KIAA1958: variants seen among roughly 807,000 people sequenced by gnomAD.
KIAA1958 encodes uncharacterized protein KIAA1958.
KIAA1958 carries 14 observed loss-of-function variants against 47.2 expected under a neutral mutation model. The observed-to-expected ratio is 0.30, with a 90% CI of 0.20 to 0.46. KIAA1958 has a LOEUF of 0.46. Ranked by LOEUF, KIAA1958 falls within the 20% of genes least tolerant of loss-of-function variation. The pLI, the probability that KIAA1958 is intolerant of heterozygous loss-of-function variation, is 1.00. For missense variants in KIAA1958, 803 were observed against 909.2 expected (o/e 0.88, Z 1.50); for synonymous variants, 354 against 353.3 (o/e 1.00, Z -0.02).
intron 1 of KIAA1958, among the ~76,000 whole-genome samples, chr9:112,506,377 A>T (rs530234823): frequency 7.9e-5 from 12 of 152,096 alleles, no homozygotes; most frequent in Non-Finnish European, 1.6e-4. Context: ...AATGGCATGA[A>T]CCTGGGAGGC....
At chr9:112,555,040 A>G (rs1026847164) in intron 1 of KIAA1958, among the ~76,000 whole-genome samples, 2 of 152,246 alleles carry the variant, frequency 1.3e-5, no homozygotes, top group African/African-American at 2.4e-5. Flanking sequence ...TTCTGACGAC[A>G]CAGAAAGGTA....
intron 2 of KIAA1958, among the ~76,000 whole-genome samples, chr9:112,615,026 A>G (rs1420226421): frequency 2.0e-5 from 3 of 152,194 alleles, no homozygotes; most frequent in Non-Finnish European, 2.9e-5. Context: ...AGAACTTTGA[A>G]TAGTCTTTAC....
Position 112,541,000 on chromosome 9 carries a change from G to T in KIAA1958, c.-24-33057G>T, listed in dbSNP as rs570714105. On this transcript the variant is annotated intron_variant, in intron 1 of 3. Coordinates refer to ENST00000337530, the MANE Select transcript of KIAA1958 (RefSeq NM_133465.4). ...CTCCTAACATACTGGGATTACAGGG[G>T]TGAGTCACCGAGCCTGGCCTGGAGT... Among the ~76,000 whole-genome samples, 231 of 152,214 alleles carry T rather than the reference G, an allele frequency of 1.5e-3. 3 individuals are homozygous for T. Among genetic ancestry groups the T allele is most frequent in the South Asian group, 8.5e-3 (41 of 4,818 alleles).
At chr9:112,536,389 A>G (rs1004590791) in intron 1 of KIAA1958, among the ~76,000 whole-genome samples, 1 of 152,230 alleles carries the variant, frequency 6.6e-6, no homozygotes, top group Admixed American at 6.5e-5. Flanking sequence ...CTTTTTCAAT[A>G]AAAGACAAGA....
intron 1 of KIAA1958, among the ~76,000 whole-genome samples, chr9:112,562,089 G>A (rs766983540): frequency 8.5e-5 from 13 of 152,286 alleles, no homozygotes; most frequent in Middle Eastern, 6.8e-3. Context: ...GCACTGTGCT[G>A]TATTGTATAT....
intron 2 of KIAA1958, among the ~76,000 whole-genome samples, chr9:112,593,585 G>A (rs556357841): frequency 1.3e-5 from 2 of 152,188 alleles, no homozygotes; most frequent in African/African-American, 4.8e-5. Context: ...TTTTTGTTTT[G>A]TTTTGTTTTT....
chr9:112,635,275 G>A (rs973529507), intron 2 of KIAA1958, among the ~76,000 whole-genome samples: 6 of 147,180 alleles, frequency 4.1e-5, no homozygotes, highest in South Asian at 4.2e-4. Flanking sequence ...TTTTGAGACA[G>A]GGTCTGGCTT....
At chr9:112,532,001 G>A (rs769527154) in intron 1 of KIAA1958, among the ~76,000 whole-genome samples, 1 of 152,194 alleles carries the variant, frequency 6.6e-6, no homozygotes, top group African/African-American at 2.4e-5. Context: ...TTGAGGGACC[G>A]CTTCACATTC....
rs373282931 is a variant in KIAA1958, at chr9:112,507,337, A to G, written c.-25+20219A>G. Among the ~76,000 whole-genome samples the G allele has an allele frequency of 2.6e-5, 4 of 152,220 alleles. No homozygotes were observed. In the East Asian group the frequency reaches 7.7e-4, roughly 29 times the overall value. ...ATGTGTGGAACTGACTGAGTATTTTAGGTTTTGTTTTTTGTTTTTGTTTCT... is the reference window on the plus strand; with the variant it reads ...ATGTGTGGAACTGACTGAGTATTTTGGGTTTTGTTTTTTGTTTTTGTTTCT... On this transcript the variant is annotated intron_variant, in intron 1 of 3. Coordinates refer to ENST00000337530, the MANE Select transcript of KIAA1958 (RefSeq NM_133465.4).
chr9:112,638,073 C>T (rs1836834938), intron 2 of KIAA1958, among the ~76,000 whole-genome samples: 1 of 152,058 alleles, frequency 6.6e-6, no homozygotes, highest in South Asian at 2.1e-4. Flanking sequence ...CGCTTGAACC[C>T]AAGAGGCAAA....
At chr9:112,556,089 A>AG (rs1564170955) in intron 1 of KIAA1958, among the ~76,000 whole-genome samples, 1 of 152,216 alleles carries the variant, frequency 6.6e-6, no homozygotes, top group African/African-American at 2.4e-5. Flanking sequence ...CCAAAAAAAA[A>AG]GCTTCACTTC....
chr9:112,642,967 A>G (rs1228271348), intron 2 of KIAA1958, among the ~76,000 whole-genome samples: 1 of 152,070 alleles, frequency 6.6e-6, no homozygotes, highest in East Asian at 1.9e-4. Flanking sequence ...TTCAATGTAT[A>G]CTCTCTGTCC....
In KIAA1958 at chr9:112,574,248, T is replaced by C; in HGVS notation, c.168T>C (p.Tyr56=). The C allele has an allele frequency of 6.2e-7, 1 of 1,614,108 alleles. No individual in the cohort carries two copies. The highest frequency in any genetic ancestry group is 8.5e-7 in the Non-Finnish European group (1 of 1,179,978). The change falls in exon 2 of 4, where the codon TAT becomes TAC. Residue 56 remains tyrosine (Y), a synonymous_variant. Coordinates refer to ENST00000337530, the MANE Select transcript of KIAA1958 (RefSeq NM_133465.4). ...GGGGCTGTAGTGCTGGCCATGCTTA[T>C]CACTGGCCACTAACAGCTACTTGCA... ...AMWGCSAGHA[Y]HWPLTATCRA...
chr9:112,516,959 C>A (rs545088717), intron 1 of KIAA1958, among the ~76,000 whole-genome samples: 8 of 152,256 alleles, frequency 5.3e-5, no homozygotes, highest in African/African-American at 1.7e-4. Flanking sequence ...GTTACAACTC[C>A]GTGTTTGCCT....
At chr9:112,585,463 G>GGAAA (rs1835808405) in intron 2 of KIAA1958, among the ~76,000 whole-genome samples, 1 of 152,202 alleles carries the variant, frequency 6.6e-6, no homozygotes, top group African/African-American at 2.4e-5. Flanking sequence ...AGTTGCTGCT[G>GGAAA]GAAAGATGGG....
rs538773176 is a variant in KIAA1958, at chr9:112,599,933, A to G, written c.1171+24682A>G. Among the ~76,000 whole-genome samples the G allele has an allele frequency of 8.5e-5, 13 of 152,338 alleles. No individual in the cohort carries two copies. The East Asian group carries it at 1.7e-3, about 20-fold the overall frequency. Reference sequence around the variant, plus strand: ...GCAGTCTCTAATAAGCAATATATCAATGAGTACTGTCAGATTCTGTAGAAA... The same window carrying G: ...GCAGTCTCTAATAAGCAATATATCAGTGAGTACTGTCAGATTCTGTAGAAA... On this transcript the variant is annotated intron_variant, in intron 2 of 3. Transcript: ENST00000337530.
At chr9:112,525,965 T>C (rs1224309630) in intron 1 of KIAA1958, among the ~76,000 whole-genome samples, 17 of 3,242 alleles carry the variant, frequency 5.2e-3, no homozygotes, top group African/African-American at 0.041. Flanking sequence ...TTCTTCTTCT[T>C]CTTCTTCTTC....
Position 112,574,086 on chromosome 9 carries a change from G to T in KIAA1958, c.6G>T (p.Glu2Asp), listed in dbSNP as rs1170036220. ...GACACTGCTGATCCTGTAACATGGA[G>T]GATTGTCTTCATACCTCATCTGAGA... M[E>D]DCLHTSSENL... Residue 2 changes from glutamate to aspartate, a missense_variant, in exon 2 of 4, where the codon GAG (glutamate) becomes GAT (aspartate). By Grantham distance (45) the Glu-to-Asp change is conservative. Transcript: ENST00000337530. 6.3e-7 allele frequency: 1 copy of T among 1,576,370 alleles called. No homozygotes were observed. The highest frequency in any genetic ancestry group is 1.8e-5 in the Admixed American group (1 of 56,822).
chr9:112,502,106 G>C (rs909097567), intron 1 of KIAA1958, among the ~76,000 whole-genome samples: 1 of 152,156 alleles, frequency 6.6e-6, no homozygotes, highest in African/African-American at 2.4e-5. Flanking sequence ...GTAGAAAGGA[G>C]GAGGGGAGGA....
Sources: gnomAD v4.1 joint callset for allele counts (sites outside exome capture counted in the v4.1 genomes callset) on GRCh38, gnomAD v4.1.1 for gene constraint, MANE v1.5 for transcripts, NCBI Gene and HGNC (gene_info 2026-07-23, HGNC 2026-07-21) for gene names.